CYP2C19: variants seen among roughly 807,000 people sequenced by gnomAD.
CYP2C19 encodes the protein cytochrome P450 family 2 subfamily C member 19, also known as cytochrome P450 2C19.
CYP2C19 carries 59 observed loss-of-function variants against 40.9 expected under a neutral mutation model. That is an observed-to-expected ratio of 1.44 (90% CI 1.17 to 1.79). CYP2C19 has a LOEUF of 1.79. CYP2C19 is among the 40% of genes most tolerant of loss of function. The pLI is 0.00. For synonymous variants in CYP2C19, 253 were observed against 208.7 expected (o/e 1.21, Z -1.83); for missense variants, 754 against 596.9 (o/e 1.26, Z -2.74).
intron 5 of CYP2C19, among the ~76,000 whole-genome samples, chr10:94,820,051 T>C (rs1356272032): frequency 2.0e-5 from 3 of 149,924 alleles, no homozygotes; most frequent in East Asian, 3.9e-4. Context: ...CATGATCAAG[T>C]GGGCTTCATC....
intron 6 of CYP2C19, among the ~76,000 whole-genome samples, chr10:94,840,146 C>T (rs1369644730): frequency 6.6e-6 from 1 of 152,028 alleles, no homozygotes; most frequent in African/African-American, 2.4e-5. Context: ...ATTTAATACG[C>T]CTTTATTTAC....
rs192348437 is a variant in CYP2C19, at chr10:94,850,091, G to T, written c.1291+33G>T. The T allele has an allele frequency of 2.5e-5, 41 of 1,611,988 alleles. No homozygotes were observed. In the African/African-American group the frequency reaches 4.9e-4, roughly 19 times the overall value. On this transcript the variant is annotated intron_variant, in intron 8 of 8. Coordinates refer to ENST00000371321, the MANE Select transcript of CYP2C19 (RefSeq NM_000769.4). ...AAATTTATTTCCCTTTGTGTTTCAG[G>T]GTACAAGATAACTTTTTTGATCAGT...
chr10:94,822,069 G>A (rs1025616813), intron 6 of CYP2C19, among the ~76,000 whole-genome samples: 2 of 152,072 alleles, frequency 1.3e-5, no homozygotes, highest in East Asian at 1.9e-4. Flanking sequence ...GTATTAGATT[G>A]CTTAGGATAA....
chr10:94,850,150 A>G, intron 8 of CYP2C19, 92 bp downstream of exon 8: 11 of 1,429,084 alleles, frequency 7.7e-6, no homozygotes, highest in Middle Eastern at 1.8e-4. Context: ...GCAGTGGTAC[A>G]GTTACTCTTT....
At chr10:94,847,110 G>A (rs1057297815) in intron 7 of CYP2C19, among the ~76,000 whole-genome samples, 1 of 151,218 alleles carries the variant, frequency 6.6e-6, no homozygotes, top group African/African-American at 2.4e-5. Flanking sequence ...AAGTTTTAGG[G>A]TACATGTGCA....
intron 5 of CYP2C19, among the ~76,000 whole-genome samples, chr10:94,789,118 A>G (rs1293645081): frequency 6.6e-6 from 1 of 150,644 alleles, no homozygotes; most frequent in Non-Finnish European, 1.5e-5. Flanking sequence ...TTTTTTTCAT[A>G]TGTTTTTTGG....
chr10:94,824,603 TC>T (rs1849184071), intron 6 of CYP2C19, among the ~76,000 whole-genome samples: 2 of 152,216 alleles, frequency 1.3e-5, no homozygotes, highest in African/African-American at 4.8e-5. Flanking sequence ...CCTGTTTTTT[TC>T]CAAGACAGTA....
intron 7 of CYP2C19, among the ~76,000 whole-genome samples, chr10:94,848,903 C>T (rs1338784602): frequency 2.0e-5 from 3 of 152,070 alleles, no homozygotes; most frequent in African/African-American, 7.2e-5. Context: ...TATAAGAATG[C>T]TTGTGATTTT....
At chr10:94,792,985 G>A (rs1227971966) in intron 5 of CYP2C19, among the ~76,000 whole-genome samples, 3 of 152,054 alleles carry the variant, frequency 2.0e-5, no homozygotes, top group South Asian at 4.2e-4. Context: ...TCACTTTCAG[G>A]TACACCAATC....
intron 5 of CYP2C19, among the ~76,000 whole-genome samples, chr10:94,788,568 A>T (rs936753339): frequency 6.6e-6 from 1 of 151,922 alleles, no homozygotes; most frequent in Non-Finnish European, 1.5e-5. Flanking sequence ...CTCATTGTTC[A>T]TTTCCCACTT....
intron 3 of CYP2C19, among the ~76,000 whole-genome samples, chr10:94,779,518 T>C (rs1848454212): frequency 6.6e-6 from 1 of 151,636 alleles, no homozygotes; most frequent in African/African-American, 2.4e-5. Flanking sequence ...AAGAAGAAAC[T>C]AAAAACTCCA....
In CYP2C19 at chr10:94,805,771, T is replaced by A. The variant is rs115259717; in HGVS notation, c.820-14725T>A. 8.4e-3 allele frequency among the ~76,000 whole-genome samples: 1,273 copies of A among 152,300 alleles called. 23 individuals are homozygous for A. The highest frequency in any genetic ancestry group is 0.062 in the East Asian group (320 of 5,180). On this transcript the variant is annotated intron_variant, in intron 5 of 8. Coordinates refer to ENST00000371321, the MANE Select transcript of CYP2C19 (RefSeq NM_000769.4). Reference sequence around the variant, plus strand: ...CAAAGTAATATAATTTCCTCAACTATGCAAACTAATTCATATTAATAATTC... The same window carrying A: ...CAAAGTAATATAATTTCCTCAACTAAGCAAACTAATTCATATTAATAATTC...
Position 94,835,350 on chromosome 10 carries a change from T to C in CYP2C19, c.962-7487T>C, listed in dbSNP as rs564108015. On this transcript the variant is annotated intron_variant, in intron 6 of 8. Coordinates refer to ENST00000371321, the MANE Select transcript of CYP2C19 (RefSeq NM_000769.4). Reference sequence around the variant, plus strand: ...GTGAAGGGTTTTAAGTAATTCCCATTGGTTAGCTGCAGGCAAATGTAATTT... The same window carrying C: ...GTGAAGGGTTTTAAGTAATTCCCATCGGTTAGCTGCAGGCAAATGTAATTT... Among the ~76,000 whole-genome samples, 4 of 152,312 alleles carry C rather than the reference T, an allele frequency of 2.6e-5. No individual in the cohort carries two copies. The South Asian group carries it at 8.3e-4, about 32-fold the overall frequency.
chr10:94,843,109 G>A (rs1302269449), intron 7 of CYP2C19, 85 bp downstream of exon 7: 1 of 1,525,010 alleles, frequency 6.6e-7, no homozygotes, highest in Non-Finnish European at 9.1e-7. Flanking sequence ...ACCATCACTG[G>A]GTGAGAGAAG....
intron 5 of CYP2C19, among the ~76,000 whole-genome samples, chr10:94,796,553 G>T (rs1003999427): frequency 6.6e-6 from 1 of 152,056 alleles, no homozygotes; most frequent in African/African-American, 2.4e-5. Context: ...TATCTTGATG[G>T]GGATGGCATT....
chr10:94,830,777 G>A (rs931431707), intron 6 of CYP2C19, among the ~76,000 whole-genome samples: 12 of 151,868 alleles, frequency 7.9e-5, no homozygotes, highest in Admixed American at 7.9e-4. Context: ...ATATTTATGG[G>A]TACAGAGTAG....
intron 1 of CYP2C19, among the ~76,000 whole-genome samples, chr10:94,763,350 G>A (rs1175382825): frequency 6.6e-6 from 1 of 152,056 alleles, no homozygotes; most frequent in African/African-American, 2.4e-5. Context: ...GCAGATAAGC[G>A]GTAGATAAGA....
rs556183197 is a variant in CYP2C19 at position 94,795,037 on chromosome 10, G to T, written c.819+13040G>T. ...TATATTTTTATACTTTAAGTTGTAG[G>T]GTACATGTGCACAATGTGCAGGTTT... On this transcript the variant is annotated intron_variant, in intron 5 of 8. Transcript: ENST00000371321. Among the ~76,000 whole-genome samples the T allele has an allele frequency of 9.1e-4, 138 of 151,694 alleles. 1 individual carries two copies. The highest frequency in any genetic ancestry group is 3.2e-3 in the African/African-American group (134 of 41,386).
intron 5 of CYP2C19, among the ~76,000 whole-genome samples, chr10:94,796,059 G>A (rs1398806937): frequency 1.3e-5 from 2 of 152,070 alleles, no homozygotes; most frequent in East Asian, 1.9e-4. Context: ...TGTTTTAGAT[G>A]TGAAGTCCTT....
Sources: allele counts gnomAD v4.1 joint callset (sites outside exome capture counted in the v4.1 genomes callset), GRCh38; gene constraint gnomAD v4.1.1; transcripts MANE v1.5; gene names NCBI Gene and HGNC (gene_info 2026-07-23, HGNC 2026-07-21).